The following PRRX2 variants were observed in gnomAD, a reference collection of about 807,000 sequenced individuals.
PRRX2 encodes paired mesoderm homeobox protein 2.
PRRX2 carries 11 observed loss-of-function variants against 18.0 expected under a neutral mutation model. The observed-to-expected ratio is 0.61, with a 90% CI of 0.39 to 1.01. PRRX2 has a LOEUF of 1.01. Among genes scored for constraint, PRRX2 ranks in the 50% least tolerant of loss-of-function variants. The pLI, the probability that PRRX2 is intolerant of heterozygous loss-of-function variation, is 0.01. For synonymous variants in PRRX2, 177 were observed against 154.8 expected (o/e 1.14, Z -1.06); for missense variants, 387 against 351.0 (o/e 1.10, Z -0.82).
At chr9:129,712,243 T>C (rs1468058767) in intron 1 of PRRX2, among the ~76,000 whole-genome samples, 1 of 152,230 alleles carries the variant, frequency 6.6e-6, no homozygotes, top group Non-Finnish European at 1.5e-5. Flanking sequence ...TAAATGCTAA[T>C]TAATAAAAGT....
At position 129,665,799 on chromosome 9, in the gene PRRX2, C is replaced by G. The variant is rs1365884213; in HGVS notation, c.-69C>G. 3 of 998,824 alleles carry G rather than the reference C, an allele frequency of 3.0e-6. No individual in the cohort carries two copies. The South Asian group carries it at 1.4e-4, about 47-fold the overall frequency. The allele number at this position is 998,824 out of a possible 1,614,324, so 61.9% of individuals were successfully genotyped here. A position where few individuals can be genotyped will look rare whatever the true frequency, so the allele number is the denominator to read the frequency against. On this transcript the variant is annotated 5_prime_UTR_variant, in exon 1 of 4. Transcript: ENST00000372469. The surrounding 1 kb of genome is among the most constrained non-coding windows in gnomAD (Gnocchi z 5.3). ...GGCGGCCGGGGCTCTCGCTCCGACC[C>G]GCGCCCGCGACCCTTCCTGGGACCC... is the stretch of plus-strand genomic sequence containing the variant.
chr9:129,699,724 A>C (rs1197397371), intron 1 of PRRX2, among the ~76,000 whole-genome samples: 1 of 152,138 alleles, frequency 6.6e-6, no homozygotes, highest in East Asian at 1.9e-4. Flanking sequence ...GGCTTTCTAC[A>C]TGGTCCAGCC....
chr9:129,719,548 G>A, intron 2 of PRRX2, 130 bp downstream of exon 2: 2 of 1,190,656 alleles, frequency 1.7e-6, no homozygotes, highest in Non-Finnish European at 2.2e-6. Context: ...GAGGACGGGG[G>A]TTCAGATCCC....
At chr9:129,708,335 G>C (rs1053086720) in intron 1 of PRRX2, among the ~76,000 whole-genome samples, 1 of 152,182 alleles carries the variant, frequency 6.6e-6, no homozygotes, top group African/African-American at 2.4e-5. Context: ...ACCATGCACG[G>C]CCGTTATCTG....
chr9:129,684,941 G>A (rs1832284768), intron 1 of PRRX2, among the ~76,000 whole-genome samples: 1 of 152,212 alleles, frequency 6.6e-6, no homozygotes, highest in Admixed American at 6.5e-5. Flanking sequence ...TCATTCCGGG[G>A]TTCCTGTGTC....
chr9:129,666,227 G>C, intron 1 of PRRX2, 101 bp downstream of exon 1: 1 of 912,008 alleles, frequency 1.1e-6, no homozygotes. Flanking sequence ...CGAAGATGCA[G>C]GGCGCGTGGT....
In PRRX2 at chr9:129,714,430, A is replaced by G. The variant is rs113150992; in HGVS notation, c.260-4801A>G. On this transcript the variant is annotated intron_variant, in intron 1 of 3. Transcript: ENST00000372469. ...AAAAAAAAAAAAAAAGTAATAAAAT[A>G]AAATAAAATGGCACAGTGCCTCCTA... Among the ~76,000 whole-genome samples the G allele has an allele frequency of 5.1e-3, 777 of 152,000 alleles. 11 individuals carry two copies. The highest frequency in any genetic ancestry group is 0.018 in the African/African-American group (738 of 41,426).
At chr9:129,689,452 G>A (rs1164801577) in intron 1 of PRRX2, among the ~76,000 whole-genome samples, 1 of 152,226 alleles carries the variant, frequency 6.6e-6, no homozygotes, top group Non-Finnish European at 1.5e-5. Context: ...ATCTCCCACT[G>A]TGCGTGTTTG....
chr9:129,694,087 C>T (rs1173307286), intron 1 of PRRX2, among the ~76,000 whole-genome samples: 4 of 152,190 alleles, frequency 2.6e-5, no homozygotes. Flanking sequence ...TAAGCAGCTA[C>T]TAGCAGGCGA....
intron 1 of PRRX2, among the ~76,000 whole-genome samples, chr9:129,708,225 G>A (rs1231896123): frequency 4.6e-5 from 7 of 152,134 alleles, no homozygotes; most frequent in South Asian, 2.1e-4. Flanking sequence ...CAATAGAGAC[G>A]GAGTTTCACC....
intron 1 of PRRX2, among the ~76,000 whole-genome samples, chr9:129,699,439 A>ATATGTG (rs761152729): frequency 9.6e-5 from 14 of 145,604 alleles, no homozygotes; most frequent in African/African-American, 2.8e-4. Context: ...AAATATATAT[A>ATATGTG]TGTGTGTGTG....
In PRRX2 at chr9:129,684,455, CACA is replaced by C. The variant is rs1564147288; in HGVS notation, c.259+18330_259+18332del. Among the ~76,000 whole-genome samples, 66 of 140,974 alleles carry C rather than the reference CACA, an allele frequency of 4.7e-4. 1 individual carries two copies. The East Asian group carries it at 7.8e-3, about 17-fold the overall frequency. 92.5% of individuals were successfully genotyped at this position (140,974 alleles called of 152,430 possible). ...ACACACACACACACACACACACACACACACCCAACAGAAAAGATACCAGAAATC... is the reference window on the plus strand; with the variant it reads ...ACACACACACACACACACACACACACCCCAACAGAAAAGATACCAGAAATC... On this transcript the variant is annotated intron_variant, in intron 1 of 3. Transcript: ENST00000372469.
At chr9:129,702,016 G>T (rs1050693818) in intron 1 of PRRX2, among the ~76,000 whole-genome samples, 1 of 152,116 alleles carries the variant, frequency 6.6e-6, no homozygotes, top group South Asian at 2.1e-4. Context: ...CAGGAGAATC[G>T]CTTGAACCCG....
At chr9:129,713,605 G>C (rs1472420707) in intron 1 of PRRX2, among the ~76,000 whole-genome samples, 1 of 151,968 alleles carries the variant, frequency 6.6e-6, no homozygotes, top group Non-Finnish European at 1.5e-5. Context: ...AGGCCTCCCA[G>C]CAGACATCGA....
rs763895570 is a variant in PRRX2, at chr9:129,691,278, G to A, written c.259+25152G>A. On this transcript the variant is annotated intron_variant, in intron 1 of 3. Transcript: ENST00000372469. ...CTTGAACCTGGGAGGCAGGGGTTGC[G>A]GTGACCCAAGATCGCACCATTGCAC... 2.6e-5 allele frequency among the ~76,000 whole-genome samples: 4 copies of A among 151,796 alleles called. No homozygotes were observed. The East Asian group carries it at 5.8e-4, about 22-fold the overall frequency.
intron 2 of PRRX2, among the ~76,000 whole-genome samples, chr9:129,719,763 G>A (rs868196682): frequency 5.9e-5 from 9 of 152,196 alleles, no homozygotes; most frequent in Admixed American, 2.6e-4. Flanking sequence ...GAGGTGGGTG[G>A]ATCACTTGAG....
chr9:129,708,199 CTAA>C (rs1832580134), intron 1 of PRRX2, among the ~76,000 whole-genome samples: 1 of 152,148 alleles, frequency 6.6e-6, no homozygotes, highest in South Asian at 2.1e-4. Context: ...CCACGCCTGG[CTAA>C]TTTTTGTATT....
At chr9:129,696,686 G>A (rs1456342554) in intron 1 of PRRX2, among the ~76,000 whole-genome samples, 1 of 152,162 alleles carries the variant, frequency 6.6e-6, no homozygotes, top group Admixed American at 6.5e-5. Context: ...CTGTCTTGCC[G>A]CCTTGCCAAG....
At chr9:129,684,506 ACACACACACACACACACC>A (rs1406763429) in intron 1 of PRRX2, among the ~76,000 whole-genome samples, 991 of 54,912 alleles carry the variant, frequency 0.018, 9 homozygotes, top group Middle Eastern at 0.047. Flanking sequence ...ACACACACAC[ACACACACACACACACACC>A]CACACACACC....
Sources: gnomAD v4.1 joint callset for allele counts (sites outside exome capture counted in the v4.1 genomes callset) on GRCh38, gnomAD v4.1.1 for gene constraint, Gnocchi (gnomAD v3.1) non-coding constraint, MANE v1.5 for transcripts, NCBI Gene and HGNC (gene_info 2026-07-23, HGNC 2026-07-21) for gene names.